The following HERC2 variants were observed in gnomAD, a reference collection of about 807,000 sequenced individuals.
The protein encoded by HERC2 is HECT and RLD domain containing E3 ubiquitin protein ligase 2.
HERC2 carries 102 observed loss-of-function variants against 537.7 expected under a neutral mutation model. That is an observed-to-expected ratio of 0.19 (90% CI 0.16 to 0.22). The LOEUF (loss-of-function observed/expected upper bound fraction) is 0.22, where lower values mean the gene tolerates loss of function less well. Among genes scored for constraint, HERC2 ranks in the 10% least tolerant of loss-of-function variants. HERC2 has a pLI of 1.00. For missense variants in HERC2, 4,236 were observed against 6,198.2 expected (o/e 0.68, Z 10.63); for synonymous variants, 2,224 against 2,466.2 (o/e 0.90, Z 2.91).
Position 28,233,676 on chromosome 15 carries a change from G to A in HERC2, c.4339C>T (p.His1447Tyr). ...TCGAGCTCCTTACCTAAATCTTCAT[G>A]TTTTAAGAGGCAACATAACAACAAG... ...GRLLLCCLLK[H>Y]EDLGHVALSL... The change falls in exon 28 of 93, where the codon CAT becomes TAT. Residue 1447 changes from histidine (H) to tyrosine (Y), a missense_variant. Transcript: ENST00000261609. 6.2e-7 allele frequency: 1 copy of A among 1,612,792 alleles called. No homozygotes were observed. Among genetic ancestry groups the A allele is most frequent in the Non-Finnish European group, 8.5e-7 (1 of 1,179,498 alleles).
At chr15:28,240,069 CTTATCA>C (rs1203176007) in intron 23 of HERC2, among the ~76,000 whole-genome samples, 1 of 151,402 alleles carries the variant, frequency 6.6e-6, no homozygotes, top group Non-Finnish European at 1.5e-5. Flanking sequence ...TTTTTAAATC[CTTATCA>C]TTAAGAGGTA....
chr15:28,274,971 C>A lies in HERC2; in HGVS notation c.577G>T (p.Ala193Ser). 6.2e-7 allele frequency: 1 copy of A among 1,608,856 alleles called. No homozygotes were observed. The highest frequency in any genetic ancestry group is 8.5e-7 in the Non-Finnish European group (1 of 1,179,922). The change falls in exon 6 of 93, where the codon GCC (alanine) becomes TCC (serine). Residue 193 changes from alanine (A) to serine (S), a missense_variant. By Grantham distance (99) the Ala-to-Ser change is moderately conservative (BLOSUM62 1). This residue lies in a region of HERC2 where 491 missense variants were observed against 559.3 expected (regional missense o/e 0.88). Transcript: ENST00000261609. ...AGCGCCGCTCGGGATCCCACTCTGG[C>A]GAGCCCCTCCACACCTTTGCCCGCA... is the stretch of plus-strand genomic sequence containing the variant. ...RPAGKGVEGLARVGSRAALSF... is the reference protein window; with the variant it reads ...RPAGKGVEGLSRVGSRAALSF...
At chr15:28,224,625 T>C (rs1239813670) in intron 35 of HERC2, among the ~76,000 whole-genome samples, 1 of 152,184 alleles carries the variant, frequency 6.6e-6, no homozygotes, top group Non-Finnish European at 1.5e-5. Context: ...ATCTCAGTTT[T>C]AGCCAAAGAA....
chr15:28,187,231 AAT>A, intron 55 of HERC2, among the ~76,000 whole-genome samples: 1 of 152,334 alleles, frequency 6.6e-6, no homozygotes, highest in East Asian at 1.9e-4. Flanking sequence ...ACATGTGACC[AAT>A]CTTGTTCAGA....
intron 5 of HERC2, among the ~76,000 whole-genome samples, chr15:28,276,640 C>G (rs2075881788): frequency 6.6e-6 from 1 of 151,258 alleles, no homozygotes; most frequent in Admixed American, 6.6e-5. Flanking sequence ...GAGGCTGAGG[C>G]AGAATTGCTT....
chr15:28,278,033 G>T (rs2075922087), intron 5 of HERC2, among the ~76,000 whole-genome samples: 1 of 151,824 alleles, frequency 6.6e-6, no homozygotes, highest in African/African-American at 2.4e-5. Flanking sequence ...AGGCGAGAGG[G>T]TTGCTTGAGC....
chr15:28,182,820 G>A lies in HERC2; in HGVS notation c.8826-308C>T, dbSNP rs548200884. Among the ~76,000 whole-genome samples the A allele has an allele frequency of 3.3e-4, 51 of 152,250 alleles. 1 individual carries two copies. Among genetic ancestry groups the A allele is most frequent in the Non-Finnish European group, 5.0e-4 (34 of 68,016 alleles). Reference sequence around the variant, plus strand: ...ATCTTAAATACCAACGTGAACATGGGTGGGAATCATTCCAAGCCATGGAAA... The same window carrying A: ...ATCTTAAATACCAACGTGAACATGGATGGGAATCATTCCAAGCCATGGAAA... On this transcript the variant is annotated intron_variant, in intron 56 of 92. Coordinates refer to ENST00000261609, the MANE Select transcript of HERC2 (RefSeq NM_004667.6).
chr15:28,216,131 CCTT>C (rs746997242), intron 38 of HERC2, among the ~76,000 whole-genome samples: 110 of 152,030 alleles, frequency 7.2e-4, no homozygotes, highest in Middle Eastern at 3.4e-3. Context: ...ATTTTTAAAA[CCTT>C]CTAAGTATGT....
At chr15:28,219,737 G>A (rs996839366) in intron 37 of HERC2, among the ~76,000 whole-genome samples, 6 of 152,196 alleles carry the variant, frequency 3.9e-5, no homozygotes, top group Admixed American at 3.3e-4. Context: ...TTCTGAGCCT[G>A]ATGACACTGT....
At chr15:28,299,549 T>C in intron 2 of HERC2, 33 bp from the exon 3 acceptor site, 1 of 1,139,952 alleles carries the variant, frequency 8.8e-7, no homozygotes, top group Non-Finnish European at 1.3e-6. Flanking sequence ...GCTTACAGAG[T>C]GCTCACACTC....
In HERC2 at chr15:28,280,221, G is replaced by A. The variant is rs2075987016; in HGVS notation, c.389C>T (p.Ser130Leu). The A allele has an allele frequency of 6.2e-7, 1 of 1,614,164 alleles. No individual in the cohort carries two copies. The highest frequency in any genetic ancestry group is 8.5e-7 in the Non-Finnish European group (1 of 1,180,022). Reference protein sequence around the residue: ...VKEQQALAVQSATTTLSALRL... With the variant: ...VKEQQALAVQLATTTLSALRL... ...CAGGGCTGAGAGGGTGGTGGTGGCT[G>A]ACTGGACGGCCAGGGCCTGCTGCTC... is the stretch of plus-strand genomic sequence containing the variant. The change falls in exon 5 of 93, where the codon TCA becomes TTA. Residue 130 changes from serine (S) to leucine (L), a missense_variant. This residue lies in a region of HERC2 where 491 missense variants were observed against 559.3 expected (regional missense o/e 0.88). Transcript: ENST00000261609.
intron 69 of HERC2, among the ~76,000 whole-genome samples, chr15:28,158,592 G>C (rs1372689304): frequency 6.6e-6 from 1 of 152,098 alleles, no homozygotes; most frequent in Non-Finnish European, 1.5e-5. Context: ...TTGCTTGGTA[G>C]ATCTTTCTCC....
intron 55 of HERC2, among the ~76,000 whole-genome samples, chr15:28,189,565 T>C (rs2140252507): frequency 6.6e-6 from 1 of 152,358 alleles, no homozygotes; most frequent in African/African-American, 2.4e-5. Context: ...GTATTGGCTA[T>C]AATGAATCAG....
intron 23 of HERC2, among the ~76,000 whole-genome samples, chr15:28,242,239 A>G (rs1305428685): frequency 1.3e-5 from 2 of 152,244 alleles, no homozygotes; most frequent in Non-Finnish European, 2.9e-5. Flanking sequence ...GGTGATGGCT[A>G]TTAAACAATG....
chr15:28,157,475 G>A (rs568781126), intron 69 of HERC2, among the ~76,000 whole-genome samples: 52 of 152,276 alleles, frequency 3.4e-4, no homozygotes, highest in African/African-American at 1.2e-3. Context: ...AGTCTTGGGT[G>A]GGTGTATGTG....
chr15:28,210,775 G>A (rs1460859207), intron 44 of HERC2, among the ~76,000 whole-genome samples: 2 of 152,072 alleles, frequency 1.3e-5, no homozygotes, highest in East Asian at 3.8e-4. Context: ...AAATGGGAAG[G>A]CATGAAAATA....
chr15:28,317,678 C>G (rs1046490187), intron 2 of HERC2, among the ~76,000 whole-genome samples: 3 of 152,196 alleles, frequency 2.0e-5, no homozygotes, highest in African/African-American at 7.2e-5. Flanking sequence ...GGAGAGACAT[C>G]TTTGTAGTGA....
Position 28,130,253 on chromosome 15 carries a change from G to C in HERC2, c.12712C>G (p.Arg4238Gly), listed in dbSNP as rs1889967957. The C allele has an allele frequency of 6.2e-7, 1 of 1,613,990 alleles. No individual in the cohort carries two copies. Among genetic ancestry groups the C allele is most frequent in the Non-Finnish European group, 8.5e-7 (1 of 1,180,024 alleles). ...AACCCTTGGACCTGCCGAGGCCTTC[G>C]AACATGGTCATCTGATCCATGGCCC... ...RLGHGSDDHV[R>G]RPRQVQGLQG... is the part of the protein sequence containing the mutation. Residue 4238 changes from arginine (R) to glycine (G), a missense_variant, in exon 83 of 93, where the codon CGA (arginine) becomes GGA (glycine). Coordinates refer to ENST00000261609, the MANE Select transcript of HERC2 (RefSeq NM_004667.6).
intron 20 of HERC2, among the ~76,000 whole-genome samples, chr15:28,252,423 A>T (rs937794324): frequency 6.6e-6 from 1 of 152,198 alleles, no homozygotes; most frequent in African/African-American, 2.4e-5. Flanking sequence ...TCCTCAGAAA[A>T]GGGAGGGGCA....
Sources: gnomAD v4.1 joint callset for allele counts (sites outside exome capture counted in the v4.1 genomes callset) on GRCh38, gnomAD v4.1.1 for gene constraint, gnomAD v4.1.1 regional missense constraint, MANE v1.5 for transcripts, NCBI Gene and HGNC (gene_info 2026-07-23, HGNC 2026-07-21) for gene names.